The following NRCAM variants were observed in gnomAD, a reference collection of about 807,000 sequenced individuals.
NRCAM encodes the protein neuronal cell adhesion molecule.
NRCAM carries 83 observed loss-of-function variants against 156.5 expected under a neutral mutation model. That is an observed-to-expected ratio of 0.53 (90% CI 0.44 to 0.64). The LOEUF (loss-of-function observed/expected upper bound fraction) is 0.64. NRCAM is among the 30% of genes least tolerant of loss of function. The pLI is 0.00. For synonymous variants in NRCAM, 538 were observed against 563.9 expected, an observed-to-expected ratio of 0.95 and a Z score of 0.65; for missense variants, 1,417 against 1,597.3, an observed-to-expected ratio of 0.89 and a Z score of 1.92.
chr7:108,374,420 A>AG (rs55953502), intron 2 of NRCAM, among the ~76,000 whole-genome samples: 144,250 of 152,134 alleles, frequency 0.95, 68,458 homozygotes, highest in East Asian at 1. Flanking sequence ...AAAGCACCTA[A>AG]GGTTTAATGT....
At chr7:108,250,152 C>T (rs138034702) in intron 3 of NRCAM, among the ~76,000 whole-genome samples, 96 of 152,246 alleles carry the variant, frequency 6.3e-4, no homozygotes, top group African/African-American at 2.2e-3. Flanking sequence ...AGGTCAATAG[C>T]TCATGCCTCT....
intron 27 of NRCAM, among the ~76,000 whole-genome samples, chr7:108,175,703 C>T (rs1563261036): frequency 6.6e-6 from 1 of 152,076 alleles, no homozygotes; most frequent in Non-Finnish European, 1.5e-5. Context: ...CAAAGATAGT[C>T]AAATGAATAA....
chr7:108,231,655 A>G (rs920738287), intron 7 of NRCAM, among the ~76,000 whole-genome samples: 1 of 152,194 alleles, frequency 6.6e-6, no homozygotes, highest in African/African-American at 2.4e-5. Flanking sequence ...ATACATACAT[A>G]TCTGCCTAGG....
At chr7:108,403,201 T>TAC (rs1396495305) in intron 1 of NRCAM, among the ~76,000 whole-genome samples, 1 of 152,206 alleles carries the variant, frequency 6.6e-6, no homozygotes, top group Non-Finnish European at 1.5e-5. Flanking sequence ...TGTAGGTCTT[T>TAC]TTGTTAGAAA....
intron 15 of NRCAM, among the ~76,000 whole-genome samples, chr7:108,194,632 T>C (rs1479802896): frequency 6.6e-6 from 1 of 152,176 alleles, no homozygotes; most frequent in Admixed American, 6.5e-5. Context: ...GTGAAACGGA[T>C]GAAACAAAGT....
intron 2 of NRCAM, among the ~76,000 whole-genome samples, chr7:108,324,127 G>C (rs573867489): frequency 4.3e-4 from 66 of 152,176 alleles, no homozygotes; most frequent in Middle Eastern, 3.4e-3. Context: ...TCCTGAGCAG[G>C]GGAGTGACAT....
chr7:108,422,924 G>GC (rs1259035340), intron 1 of NRCAM, among the ~76,000 whole-genome samples: 5 of 152,208 alleles, frequency 3.3e-5, no homozygotes, highest in East Asian at 1.9e-4. Context: ...TCTCATTTCA[G>GC]CCCCCCATCT....
At chr7:108,283,037 G>C (rs1387583714) in intron 3 of NRCAM, among the ~76,000 whole-genome samples, 1 of 149,076 alleles carries the variant, frequency 6.7e-6, no homozygotes, top group Non-Finnish European at 1.5e-5. Flanking sequence ...ATGCTTCTCT[G>C]TTCCCTACTC....
chr7:108,349,816 C>T (rs1420098406), intron 2 of NRCAM, among the ~76,000 whole-genome samples: 1 of 152,180 alleles, frequency 6.6e-6, no homozygotes, highest in African/African-American at 2.4e-5. Context: ...TATCCCTACA[C>T]CGAGGTCATA....
chr7:108,213,823 C>T (rs1309455245), intron 11 of NRCAM, among the ~76,000 whole-genome samples: 5 of 152,082 alleles, frequency 3.3e-5, no homozygotes, highest in African/African-American at 9.7e-5. Context: ...TGAATTTTGT[C>T]GAAGGCCTTT....
intron 1 of NRCAM, among the ~76,000 whole-genome samples, chr7:108,424,644 T>G (rs1297145861): frequency 6.6e-6 from 1 of 152,208 alleles, no homozygotes; most frequent in East Asian, 1.9e-4. Flanking sequence ...GTGCAATGCT[T>G]CTCAAAGGCG....
At chr7:108,216,577 A>G (rs901034329) in intron 11 of NRCAM, among the ~76,000 whole-genome samples, 11 of 152,136 alleles carry the variant, frequency 7.2e-5, no homozygotes, top group Non-Finnish European at 8.8e-5. Flanking sequence ...GTCTTTTCAC[A>G]TAGTCCCATA....
chr7:108,419,064 C>T (rs116050028), intron 1 of NRCAM, among the ~76,000 whole-genome samples: 18 of 152,230 alleles, frequency 1.2e-4, no homozygotes, highest in African/African-American at 3.9e-4. Context: ...ACCGTATGTC[C>T]GCTCTGGTTA....
At chr7:108,273,798 T>C (rs537903107) in intron 3 of NRCAM, among the ~76,000 whole-genome samples, 1 of 152,364 alleles carries the variant, frequency 6.6e-6, no homozygotes, top group African/African-American at 2.4e-5. Flanking sequence ...TTTGGTGTTT[T>C]AGTTATGAAG....
At chr7:108,408,759 G>A (rs1165064879) in intron 1 of NRCAM, among the ~76,000 whole-genome samples, 2 of 152,234 alleles carry the variant, frequency 1.3e-5, no homozygotes, top group South Asian at 2.1e-4. Flanking sequence ...AGGGGCCATG[G>A]AGCATTGGGT....
intron 2 of NRCAM, among the ~76,000 whole-genome samples, chr7:108,355,559 T>C (rs1486895391): frequency 1.3e-5 from 2 of 152,180 alleles, no homozygotes; most frequent in African/African-American, 4.8e-5. Context: ...GGTCTGAAAT[T>C]ATTAAATGGA....
chr7:108,200,737 T>TACACACACAC (rs61489479), intron 13 of NRCAM, among the ~76,000 whole-genome samples: 11 of 135,070 alleles, frequency 8.1e-5, no homozygotes, highest in East Asian at 6.8e-4. Flanking sequence ...GATAAAGAAA[T>TACACACACAC]ACACACACAC....
chr7:108,238,498 T>C (rs750598193), intron 4 of NRCAM, among the ~76,000 whole-genome samples: 7 of 152,168 alleles, frequency 4.6e-5, no homozygotes, highest in Non-Finnish European at 1.0e-4. Context: ...AAGGTTAATA[T>C]AGGAGCACCT....
chr7:108,272,696 T>C (rs1014376215), intron 3 of NRCAM, among the ~76,000 whole-genome samples: 11 of 152,016 alleles, frequency 7.2e-5, no homozygotes, highest in African/African-American at 2.7e-4. Context: ...TATATATTTA[T>C]ATATCATGTT....
Sources: allele counts gnomAD v4.1 joint callset (sites outside exome capture counted in the v4.1 genomes callset), GRCh38; gene constraint gnomAD v4.1.1; transcripts MANE v1.5; gene names NCBI Gene and HGNC (gene_info 2026-07-23, HGNC 2026-07-21).